LYN: variants seen among roughly 807,000 people sequenced by gnomAD.
LYN encodes tyrosine-protein kinase Lyn.
Under a neutral mutation model 65.0 loss-of-function variants are expected in LYN, and 12 were observed. The ratio of observed to expected loss-of-function variants is 0.18; its 90% CI spans 0.12 to 0.30. The LOEUF (loss-of-function observed/expected upper bound fraction) is 0.30. Ranked by LOEUF, LYN falls within the 10% of genes least tolerant of loss-of-function variation. The probability of loss-of-function intolerance (pLI) is 1.00; values close to 1 mark genes in which losing one functional copy is unlikely to be tolerated. For missense variants in LYN, 380 were observed against 623.2 expected, an observed-to-expected ratio of 0.61 and a Z score of 4.16; for synonymous variants, 222 against 221.2, an observed-to-expected ratio of 1.00 and a Z score of -0.03.
At position 56,013,598 on chromosome 8, in the gene LYN, C is replaced by G. The variant is rs544058420; in HGVS notation, c.*3488C>G. 1 of 152,194 alleles carries G rather than the reference C, an allele frequency of 6.6e-6. No individual in the cohort carries two copies. The highest frequency in any genetic ancestry group is 2.1e-4 in the South Asian group (1 of 4,834). The allele number at this position is 152,194 out of a possible 1,614,324, so 9.4% of individuals were successfully genotyped here. A position where few individuals can be genotyped will look rare whatever the true frequency, so the allele number is the denominator to read the frequency against. ...GGTCTGCTTTCTCTTTATTCCCCGT[C>G]CTCTCACAAACTACATCCAGGGGCG... On this transcript the variant is annotated 3_prime_UTR_variant, in exon 13 of 13. Coordinates refer to ENST00000519728, the MANE Select transcript of LYN (RefSeq NM_002350.4).
intron 1 of LYN, among the ~76,000 whole-genome samples, chr8:55,890,961 T>G (rs1488581232): frequency 6.6e-6 from 1 of 151,982 alleles, no homozygotes; most frequent in Non-Finnish European, 1.5e-5. Context: ...ACTCCTGGGC[T>G]CAAGCAATCT....
chr8:55,897,351 A>G (rs1221356349), intron 1 of LYN, among the ~76,000 whole-genome samples: 1 of 152,114 alleles, frequency 6.6e-6, no homozygotes, highest in Non-Finnish European at 1.5e-5. Context: ...AATAAGCTAC[A>G]TGCTTCTGGA....
Position 56,010,670 on chromosome 8 carries a change from A to ACCTC in LYN, c.*563_*566dup, listed in dbSNP as rs1808789040. On this transcript the variant is annotated 3_prime_UTR_variant, in exon 13 of 13. Coordinates refer to ENST00000519728, the MANE Select transcript of LYN (RefSeq NM_002350.4). ...AGATTTCAATGATTTTTTTCCCCCTACCTCCCAAAATCTGAGACTGTTAAA... is the reference window on the plus strand; with the variant it reads ...AGATTTCAATGATTTTTTTCCCCCTACCTCCCTCCCAAAATCTGAGACTGTTAAA... 4.3e-6 allele frequency: 1 copy of ACCTC among 231,178 alleles called. No homozygotes were observed. The highest frequency in any genetic ancestry group is 8.5e-6 in the Non-Finnish European group (1 of 117,010). 14.3% of individuals were successfully genotyped at this position (231,178 alleles called of 1,614,324 possible).
chr8:55,970,378 G>T (rs963717868), intron 10 of LYN, among the ~76,000 whole-genome samples: 6 of 152,184 alleles, frequency 3.9e-5, no homozygotes, highest in Non-Finnish European at 8.8e-5. Context: ...AAGAGCAGAA[G>T]CAAGTTATCC....
intron 1 of LYN, among the ~76,000 whole-genome samples, chr8:55,909,019 A>ATTATGTG (rs1488486386): frequency 2.8e-5 from 1 of 35,104 alleles, no homozygotes; most frequent in East Asian, 7.3e-4. Flanking sequence ...ATACACACAC[A>ATTATGTG]CACACACACA....
At chr8:55,963,502 T>C (rs960847249) in intron 8 of LYN, among the ~76,000 whole-genome samples, 7 of 152,266 alleles carry the variant, frequency 4.6e-5, no homozygotes, top group Admixed American at 2.6e-4. Flanking sequence ...TGAATTTCAG[T>C]GATGCTCAGC....
At position 55,887,573 on chromosome 8, in the gene LYN, T is replaced by TACACAC. The variant is rs1173683572; in HGVS notation, c.-6+7471_-6+7472insCACACA. On this transcript the variant is annotated intron_variant, in intron 1 of 12. Transcript: ENST00000519728. ...AAAAATATAAATATATATATATATA[T>TACACAC]ATACACACACACACACACACACACA... 2.0e-3 allele frequency among the ~76,000 whole-genome samples: 86 copies of TACACAC among 42,580 alleles called. 1 individual carries two copies. The highest frequency in any genetic ancestry group is 0.019 in the Middle Eastern group (2 of 108). 27.9% of individuals were successfully genotyped at this position (42,580 alleles called of 152,430 possible). A position where few individuals can be genotyped will look rare whatever the true frequency, so the allele number is the denominator to read the frequency against.
chr8:55,935,741 A>G (rs1032425748), intron 1 of LYN, among the ~76,000 whole-genome samples: 1 of 147,926 alleles, frequency 6.8e-6, no homozygotes, highest in African/African-American at 2.5e-5. Flanking sequence ...AGATCGCACC[A>G]CTGCACTCCA....
chr8:55,979,852 G>C (rs998103539), intron 10 of LYN, among the ~76,000 whole-genome samples: 1 of 152,192 alleles, frequency 6.6e-6, no homozygotes, highest in South Asian at 2.1e-4. Flanking sequence ...AGCATCTCCG[G>C]GGCTGCCAGA....
intron 1 of LYN, among the ~76,000 whole-genome samples, chr8:55,930,130 G>A (rs1268004706): frequency 3.3e-5 from 5 of 152,162 alleles, no homozygotes; most frequent in Non-Finnish European, 7.3e-5. Context: ...CCGCTCTGTG[G>A]AAAAATTGCC....
At chr8:55,976,496 A>G (rs1193841247) in intron 10 of LYN, among the ~76,000 whole-genome samples, 1 of 152,074 alleles carries the variant, frequency 6.6e-6, no homozygotes, top group Non-Finnish European at 1.5e-5. Context: ...TTTCACTCAC[A>G]CAGCTATCCT....
intron 8 of LYN, among the ~76,000 whole-genome samples, chr8:55,959,031 C>T (rs1048354204): frequency 2.0e-5 from 3 of 152,150 alleles, no homozygotes; most frequent in Admixed American, 6.6e-5. Context: ...GAGGAACTGC[C>T]GTACTGTTTT....
Position 55,985,687 on chromosome 8 carries a change from C to A in LYN, c.1051-12659C>A, listed in dbSNP as rs1336570122. 1.1e-4 allele frequency among the ~76,000 whole-genome samples: 16 copies of A among 152,162 alleles called. 1 individual carries two copies. Among genetic ancestry groups the A allele is most frequent in the Admixed American group, 1.0e-3 (16 of 15,276 alleles). On this transcript the variant is annotated intron_variant, in intron 10 of 12. Coordinates refer to ENST00000519728, the MANE Select transcript of LYN (RefSeq NM_002350.4). Reference sequence around the variant, plus strand: ...TCAGCTATCTGACATGGTGTATATTCATGTGCTGGATTATTATTTTCTGTC... The same window carrying A: ...TCAGCTATCTGACATGGTGTATATTAATGTGCTGGATTATTATTTTCTGTC...
intron 12 of LYN, among the ~76,000 whole-genome samples, chr8:56,003,684 A>G (rs1175324725): frequency 1.3e-5 from 2 of 151,556 alleles, no homozygotes; most frequent in Non-Finnish European, 2.9e-5. Flanking sequence ...AAAAAAAAAA[A>G]AAGAAGAAGT....
chr8:55,943,747 A>G (rs1806695810), intron 2 of LYN, among the ~76,000 whole-genome samples: 1 of 152,096 alleles, frequency 6.6e-6, no homozygotes, highest in African/African-American at 2.4e-5. Context: ...TCAAAGTCAC[A>G]TGTCATCATT....
chr8:55,907,355 G>A (rs930647828), intron 1 of LYN, among the ~76,000 whole-genome samples: 2 of 152,050 alleles, frequency 1.3e-5, no homozygotes, highest in East Asian at 1.9e-4. Context: ...AATAAAATAA[G>A]TCAAACAGAT....
intron 4 of LYN, among the ~76,000 whole-genome samples, chr8:55,949,637 C>T (rs549827285): frequency 1.1e-4 from 17 of 152,288 alleles, no homozygotes; most frequent in South Asian, 2.1e-4. Context: ...GCAGTGTGTA[C>T]GGATCAAGTC....
chr8:55,933,520 C>T lies in LYN; in HGVS notation c.-5-8335C>T, dbSNP rs544825518. ...GGGTTAAGAAGTGTGTACATTCTAA[C>T]GGAGTTTAATATGTACTGTCAAGTT... On this transcript the variant is annotated intron_variant, in intron 1 of 12. Transcript: ENST00000519728. Among the ~76,000 whole-genome samples the T allele has an allele frequency of 7.2e-5, 11 of 152,310 alleles. 1 individual carries two copies. Among genetic ancestry groups the T allele is most frequent in the South Asian group, 2.1e-4 (1 of 4,828 alleles).
intron 12 of LYN, among the ~76,000 whole-genome samples, chr8:56,000,475 T>A (rs946055616): frequency 1.3e-5 from 2 of 152,048 alleles, no homozygotes; most frequent in African/African-American, 4.8e-5. Flanking sequence ...ACACCTGTAA[T>A]CCCAGCACTT....
Sources: gnomAD v4.1 joint callset for allele counts (sites outside exome capture counted in the v4.1 genomes callset) on GRCh38, gnomAD v4.1.1 for gene constraint, MANE v1.5 for transcripts, NCBI Gene and HGNC (gene_info 2026-07-23, HGNC 2026-07-21) for gene names.